Variants in RNLS observed in about 807,000 individuals in gnomAD.
RNLS encodes renalase.
Under a neutral mutation model 39.8 loss-of-function variants are expected in RNLS, and 39 were observed. The observed-to-expected ratio is 0.98, with a 90% CI of 0.76 to 1.28. RNLS has a LOEUF of 1.28. Among genes scored for constraint, RNLS ranks in the 50% most tolerant of loss-of-function variants. The pLI is 0.00. For missense variants in RNLS, 410 were observed against 413.3 expected, an observed-to-expected ratio of 0.99 and a Z score of 0.07; for synonymous variants, 147 against 150.7, an observed-to-expected ratio of 0.98 and a Z score of 0.18.
At chr10:88,464,326 A>T (rs1425734329) in intron 4 of RNLS, among the ~76,000 whole-genome samples, 1 of 152,062 alleles carries the variant, frequency 6.6e-6, no homozygotes, top group Non-Finnish European at 1.5e-5. Context: ...TCTGCTTACC[A>T]TTTTCCTCTT....
intron 4 of RNLS, among the ~76,000 whole-genome samples, chr10:88,492,499 A>G (rs1257329287): frequency 1.3e-5 from 2 of 149,874 alleles, no homozygotes; most frequent in Non-Finnish European, 3.0e-5. Flanking sequence ...GCTCACTGCA[A>G]CCTCTGCCTC....
At chr10:88,323,021 CA>C (rs1186600862) in intron 5 of RNLS, among the ~76,000 whole-genome samples, 5 of 152,126 alleles carry the variant, frequency 3.3e-5, no homozygotes, top group African/African-American at 7.2e-5. Flanking sequence ...ATCAAACACT[CA>C]ATCCCACTTA....
At chr10:88,174,920 A>G in the RNLS span, among the ~76,000 whole-genome samples, 1 of 152,186 alleles carries the variant, frequency 6.6e-6, no homozygotes, top group Non-Finnish European at 1.5e-5. Flanking sequence ...CTTCTTATTA[A>G]TGATTCAATC....
At chr10:88,215,547 C>T in the RNLS span, among the ~76,000 whole-genome samples, 16 of 152,192 alleles carry the variant, frequency 1.1e-4, no homozygotes, top group South Asian at 4.2e-4. Context: ...AGAGGGGCTT[C>T]GCTTAAATTG....
the RNLS span, among the ~76,000 whole-genome samples, chr10:88,248,949 C>T: frequency 6.6e-6 from 1 of 152,160 alleles, no homozygotes; most frequent in South Asian, 2.1e-4. Flanking sequence ...GATATCTCTC[C>T]TTATCTGTCT....
chr10:88,360,556 C>T (rs1251923098), intron 5 of RNLS, among the ~76,000 whole-genome samples: 1 of 152,170 alleles, frequency 6.6e-6, no homozygotes, highest in African/African-American at 2.4e-5. Flanking sequence ...CCTGCCTCAG[C>T]CTCCCGAGTA....
intron 4 of RNLS, among the ~76,000 whole-genome samples, chr10:88,500,997 ATG>A (rs1385775150): frequency 6.9e-6 from 1 of 144,014 alleles, no homozygotes; most frequent in African/African-American, 2.5e-5. Flanking sequence ...ATGTATATAT[ATG>A]TGTGTGTGTA....
At chr10:88,310,702 G>T (rs888516781) in intron 6 of RNLS, among the ~76,000 whole-genome samples, 19 of 149,852 alleles carry the variant, frequency 1.3e-4, no homozygotes, top group Non-Finnish European at 2.4e-4. Context: ...TGAGGTGAGA[G>T]GATCACTTGA....
chr10:88,457,688 G>A (rs1842709162), intron 4 of RNLS, among the ~76,000 whole-genome samples: 1 of 152,162 alleles, frequency 6.6e-6, no homozygotes, highest in South Asian at 2.1e-4. Flanking sequence ...AGACCCAGGA[G>A]GTGCATTTTA....
At chr10:88,481,239 T>C (rs533244000) in intron 4 of RNLS, among the ~76,000 whole-genome samples, 4 of 152,328 alleles carry the variant, frequency 2.6e-5, no homozygotes, top group East Asian at 1.9e-4. Context: ...GCATTTTGGT[T>C]AGATCTTGCT....
chr10:88,537,897 A>G (rs1299823730), intron 4 of RNLS, among the ~76,000 whole-genome samples: 1 of 152,334 alleles, frequency 6.6e-6, no homozygotes, highest in East Asian at 1.9e-4. Flanking sequence ...TTTAAAGACA[A>G]TGAAAAAGAT....
intron 4 of RNLS, among the ~76,000 whole-genome samples, chr10:88,534,228 T>C (rs1273712680): frequency 6.6e-6 from 1 of 152,122 alleles, no homozygotes; most frequent in Admixed American, 6.6e-5. Flanking sequence ...TTTTATGGAC[T>C]GGAGACCTGC....
chr10:88,583,214 G>A lies in RNLS; in HGVS notation c.-24C>T. On this transcript the variant is annotated 5_prime_UTR_variant, in exon 1 of 7. Transcript: ENST00000331772. ...ATGGCGAGAGGGAGCAGCGATCCGC[G>A]CTGAGTCTCTGCGGCGGGGCCGTTC... 2 of 1,612,622 alleles carry A rather than the reference G, an allele frequency of 1.2e-6. No individual in the cohort carries two copies. The highest frequency in any genetic ancestry group is 1.1e-5 in the South Asian group (1 of 90,976).
chr10:88,545,497 C>CA (rs1848257631), intron 4 of RNLS: 1 of 455,342 alleles, frequency 2.2e-6, no homozygotes, highest in African/African-American at 2.0e-5. Context: ...CTGCCCTTTA[C>CA]AAAACCATCA....
chr10:88,439,565 A>G (rs1367597572), intron 4 of RNLS, among the ~76,000 whole-genome samples: 1 of 152,244 alleles, frequency 6.6e-6, no homozygotes, highest in Non-Finnish European at 1.5e-5. Context: ...CTTTTGGCCA[A>G]AGAATAAAAT....
chr10:88,558,829 A>G (rs1243969263), intron 4 of RNLS, among the ~76,000 whole-genome samples: 1 of 152,228 alleles, frequency 6.6e-6, no homozygotes, highest in Non-Finnish European at 1.5e-5. Flanking sequence ...TAATTAATAC[A>G]TTAAAAATGT....
At chr10:88,577,566 T>C (rs1312237038) in intron 3 of RNLS, among the ~76,000 whole-genome samples, 3 of 152,158 alleles carry the variant, frequency 2.0e-5, no homozygotes, top group African/African-American at 7.2e-5. Flanking sequence ...ATTAGATAAA[T>C]AGTCAGCACT....
chr10:88,327,392 G>A (rs1341353880), intron 5 of RNLS, among the ~76,000 whole-genome samples: 1 of 152,164 alleles, frequency 6.6e-6, no homozygotes, highest in Non-Finnish European at 1.5e-5. Context: ...TTGTGAAAGT[G>A]AGTGAGTTCT....
chr10:88,362,702 G>T lies in RNLS; in HGVS notation c.550C>A (p.Gln184Lys), dbSNP rs1564731825. Residue 184 changes from glutamine (Q) to lysine (K), a missense_variant, in exon 5 of 7, where the codon CAA (glutamine) becomes AAA (lysine). Gln to Lys is a moderately conservative substitution (Grantham distance 53). Coordinates refer to ENST00000331772, the MANE Select transcript of RNLS (RefSeq NM_001031709.3). ...GAGGAGTAGCTCACAGCCTCCAGTT[G>T]CTGCCTTTGGCATTCACTAATTACT... ...TTLISECQRQ[Q>K]LEAVSYSSRY... 4 of 1,613,206 alleles carry T rather than the reference G, an allele frequency of 2.5e-6. No individual in the cohort carries two copies. The highest frequency in any genetic ancestry group is 3.4e-6 in the Non-Finnish European group (4 of 1,179,726).
Sources: gnomAD v4.1 joint callset for allele counts (sites outside exome capture counted in the v4.1 genomes callset) on GRCh38, gnomAD v4.1.1 for gene constraint, MANE v1.5 for transcripts, NCBI Gene and HGNC (gene_info 2026-07-23, HGNC 2026-07-21) for gene names.